The following CDYL variants were observed in gnomAD, a reference collection of about 807,000 sequenced individuals.
The protein encoded by CDYL is chromodomain Y like, also known as chromodomain Y-like protein.
A neutral mutation model predicts 47.3 loss-of-function variants in CDYL; 8 were observed. That is an observed-to-expected ratio of 0.17 (90% CI 0.10 to 0.31). The LOEUF is 0.31. Ranked by LOEUF, CDYL falls within the 10% of genes least tolerant of loss-of-function variation. The pLI, the probability that CDYL is intolerant of heterozygous loss-of-function variation, is 1.00. For synonymous variants in CDYL, 266 were observed against 265.0 expected, an observed-to-expected ratio of 1.00 and a Z score of -0.04; for missense variants, 471 against 701.4, an observed-to-expected ratio of 0.67 and a Z score of 3.71.
At chr6:4,916,315 T>G (rs1757555155) in intron 2 of CDYL, among the ~76,000 whole-genome samples, 1 of 152,248 alleles carries the variant, frequency 6.6e-6, no homozygotes, top group African/African-American at 2.4e-5. Context: ...TTTTACAAAC[T>G]GCATACCTCT....
At chr6:4,742,031 C>G (rs9328275) in intron 3 of CDYL, among the ~76,000 whole-genome samples, 1 of 151,760 alleles carries the variant, frequency 6.6e-6, no homozygotes, top group Non-Finnish European at 1.5e-5. Flanking sequence ...GGCATAGGAG[C>G]AAAATAAGCA....
At chr6:4,939,676 A>G (rs1446699161) in intron 4 of CDYL, among the ~76,000 whole-genome samples, 1 of 152,160 alleles carries the variant, frequency 6.6e-6, no homozygotes, top group Non-Finnish European at 1.5e-5. Flanking sequence ...CTTCAGTTTA[A>G]GATTAAACTG....
In CDYL at chr6:4,830,382, G is replaced by A. The variant is rs980853583; in HGVS notation, c.24+53575G>A. Among the ~76,000 whole-genome samples, 4 of 152,118 alleles carry A rather than the reference G, an allele frequency of 2.6e-5. No individual in the cohort carries two copies. The East Asian group carries it at 7.7e-4, about 29-fold the overall frequency. ...TCTGCCATAAGTACAGATCTTGGCT[G>A]GCATTGATAGTTTTCCTTCCCCAGC... On this transcript the variant is annotated intron_variant, in intron 1 of 6. Coordinates refer to ENST00000397588, the MANE Select transcript of CDYL (RefSeq NM_004824.4).
chr6:4,895,002 T>C (rs1762173969), intron 2 of CDYL, among the ~76,000 whole-genome samples: 1 of 151,718 alleles, frequency 6.6e-6, no homozygotes, highest in Non-Finnish European at 1.5e-5. Context: ...TACTTGTGTG[T>C]ATGTTTATAC....
At chr6:4,766,111 T>A (rs767013334) in intron 3 of CDYL, among the ~76,000 whole-genome samples, 6 of 152,190 alleles carry the variant, frequency 3.9e-5, no homozygotes, top group Non-Finnish European at 8.8e-5. Context: ...AATACTAAAA[T>A]TTTATGAACA....
At chr6:4,837,565 A>G (rs951914766) in intron 1 of CDYL, among the ~76,000 whole-genome samples, 1 of 150,804 alleles carries the variant, frequency 6.6e-6, no homozygotes, top group African/African-American at 2.4e-5. Context: ...CCCGGGTTCA[A>G]GCGATTCTCC....
At chr6:4,941,263 G>C (rs1758352714) in intron 4 of CDYL, among the ~76,000 whole-genome samples, 2 of 152,234 alleles carry the variant, frequency 1.3e-5, no homozygotes, top group African/African-American at 4.8e-5. Context: ...CTACTTGGGA[G>C]AGGACCGTCC....
intron 2 of CDYL, among the ~76,000 whole-genome samples, chr6:4,920,682 G>T (rs1891048): frequency 0.92 from 140,579 of 152,220 alleles, 65,420 homozygotes; most frequent in East Asian, 1. Context: ...GTACTGGTGT[G>T]ATCTCGGCTC....
chr6:4,829,857 C>G (rs1467949743), intron 1 of CDYL, among the ~76,000 whole-genome samples: 19 of 152,182 alleles, frequency 1.2e-4, no homozygotes, highest in Non-Finnish European at 8.8e-5. Context: ...AGGGACTTTC[C>G]CACTGGGAAT....
At position 4,895,445 on chromosome 6, in the gene CDYL, A is replaced by G. The variant is rs369379156; in HGVS notation, c.691+3066A>G. On this transcript the variant is annotated intron_variant, in intron 2 of 6. Transcript: ENST00000397588. ...TGCATGTATACATGTATACGTATAT[A>G]TGCATATATACATGTATACATATAT... Among the ~76,000 whole-genome samples, 17 of 88,726 alleles carry G rather than the reference A, an allele frequency of 1.9e-4. 7 individuals are homozygous for G. Among genetic ancestry groups the G allele is most frequent in the African/African-American group, 5.9e-4 (15 of 25,586 alleles). The allele number at this position is 88,726 out of a possible 152,430, so 58.2% of individuals were successfully genotyped here.
intron 2 of CDYL, among the ~76,000 whole-genome samples, chr6:4,720,451 G>T (rs189960897): frequency 6.6e-6 from 1 of 152,056 alleles, no homozygotes; most frequent in Non-Finnish European, 1.5e-5. Context: ...AATATGCTCA[G>T]GTCAATGTCT....
intron 2 of CDYL, 61 bp downstream of exon 2, chr6:4,892,440 T>G: frequency 1.3e-6 from 2 of 1,504,294 alleles, no homozygotes; most frequent in Non-Finnish European, 1.8e-6. Flanking sequence ...GGTCCTTCTC[T>G]AGAGATCAGG....
intron 1 of CDYL, among the ~76,000 whole-genome samples, chr6:4,787,970 C>T (rs1361740865): frequency 6.6e-6 from 1 of 151,828 alleles, no homozygotes; most frequent in African/African-American, 2.4e-5. Context: ...CAAGGATTCA[C>T]CATTTTGGCC....
intron 2 of CDYL, among the ~76,000 whole-genome samples, chr6:4,723,790 T>C (rs1411264772): frequency 6.6e-6 from 1 of 152,196 alleles, no homozygotes; most frequent in Non-Finnish European, 1.5e-5. Context: ...CTTAAAAATC[T>C]AAGGGAAACA....
At chr6:4,895,093 A>G (rs114618014) in intron 2 of CDYL, among the ~76,000 whole-genome samples, 7,369 of 150,606 alleles carry the variant, frequency 0.049, 692 homozygotes, top group African/African-American at 0.17. Context: ...ACATATATGT[A>G]CATGTGTGTA....
chr6:4,772,153 C>T (rs928470774), upstream of CDYL, among the ~76,000 whole-genome samples: 3 of 152,186 alleles, frequency 2.0e-5, no homozygotes, highest in Non-Finnish European at 4.4e-5. Flanking sequence ...GAGCTCCGGC[C>T]AGTGATGGTA....
intron 2 of CDYL, among the ~76,000 whole-genome samples, chr6:4,731,132 T>C (rs777004741): frequency 6.6e-6 from 1 of 152,226 alleles, no homozygotes; most frequent in Non-Finnish European, 1.5e-5. Flanking sequence ...TGACTTCTCC[T>C]GTGTCCGGAA....
intron 2 of CDYL, among the ~76,000 whole-genome samples, chr6:4,915,322 G>C (rs1244838718): frequency 6.6e-6 from 1 of 152,158 alleles, no homozygotes; most frequent in Admixed American, 6.5e-5. Context: ...CATTTTGCTT[G>C]GCCCTGATAT....
intron 3 of CDYL, among the ~76,000 whole-genome samples, chr6:4,741,006 C>T (rs1456454780): frequency 1.3e-5 from 2 of 152,030 alleles, no homozygotes; most frequent in Non-Finnish European, 2.9e-5. Flanking sequence ...AGGCTGGTCT[C>T]GAACTCCTGA....
Sources: allele counts gnomAD v4.1 joint callset (sites outside exome capture counted in the v4.1 genomes callset), GRCh38; gene constraint gnomAD v4.1.1; transcripts MANE v1.5; gene names NCBI Gene and HGNC (gene_info 2026-07-23, HGNC 2026-07-21).